Variants in ANKFY1 observed in about 807,000 individuals in gnomAD.
ANKFY1 encodes the protein ankyrin repeat and FYVE domain-containing protein 1.
Under a neutral mutation model 128.3 loss-of-function variants are expected in ANKFY1, and 47 were observed. The observed-to-expected ratio is 0.37, with a 90% CI of 0.29 to 0.47. ANKFY1 has a LOEUF of 0.47. ANKFY1 is among the 20% of genes least tolerant of loss of function. The pLI, the probability that ANKFY1 is intolerant of heterozygous loss-of-function variation, is 1.00. For missense variants in ANKFY1, 1,222 were observed against 1,510.6 expected (o/e 0.81, Z 3.17); for synonymous variants, 553 against 601.6 (o/e 0.92, Z 1.18).
chr17:4,189,352 C>T lies in ANKFY1; in HGVS notation c.1470+30G>A, dbSNP rs1249089699. On this transcript the variant is annotated intron_variant, in intron 11 of 24. Transcript: ENST00000341657. ...TGCCATTTCTTCCATAGATCAACAC[C>T]ATTTTCTCCGGCTGCCCTGTCACAC... 5.2e-6 allele frequency: 8 copies of T among 1,534,110 alleles called. No homozygotes were observed. The East Asian group carries it at 1.7e-4, about 33-fold the overall frequency.
intron 7 of ANKFY1, among the ~76,000 whole-genome samples, chr17:4,202,495 G>A (rs1410843926): frequency 2.0e-5 from 3 of 150,642 alleles, no homozygotes; most frequent in Non-Finnish European, 3.0e-5. Context: ...TCAGGAGATC[G>A]AGACCATCCT....
At chr17:4,201,035 G>A (rs925165018) in intron 7 of ANKFY1, among the ~76,000 whole-genome samples, 8 of 151,890 alleles carry the variant, frequency 5.3e-5, no homozygotes, top group Non-Finnish European at 1.2e-4. Flanking sequence ...CTTTTGTTTT[G>A]GTTTTTGGTT....
intron 2 of ANKFY1, among the ~76,000 whole-genome samples, chr17:4,237,370 TAATG>T (rs1379359935): frequency 6.6e-6 from 1 of 152,162 alleles, no homozygotes; most frequent in Non-Finnish European, 1.5e-5. Context: ...AGAACATTAT[TAATG>T]GTCAAAGAAG....
Position 4,169,358 on chromosome 17 carries a change from G to T in ANKFY1, c.3287-70C>A. 1 of 1,236,162 alleles carries T rather than the reference G, an allele frequency of 8.1e-7. No individual in the cohort carries two copies. The highest frequency in any genetic ancestry group is 1.2e-6 in the Non-Finnish European group (1 of 867,258). 76.6% of individuals were successfully genotyped at this position (1,236,162 alleles called of 1,614,324 possible). A position where few individuals can be genotyped will look rare whatever the true frequency, so the allele number is the denominator to read the frequency against. ...GCCACGCAAGCCCCAGGGCTTGGAG[G>T]CAGCAGGAACACAGACCCGTAAGTG... On this transcript the variant is annotated intron_variant, in intron 23 of 24. Coordinates refer to ENST00000341657, the MANE Select transcript of ANKFY1 (RefSeq NM_001330063.2). This position sits in a 1 kb window ranked among gnomAD's most constrained non-coding sequence, Gnocchi z 5.0.
chr17:4,228,820 T>C (rs1239865508), intron 3 of ANKFY1, among the ~76,000 whole-genome samples: 3 of 152,192 alleles, frequency 2.0e-5, no homozygotes, highest in Non-Finnish European at 2.9e-5. Flanking sequence ...TTTACTGTAC[T>C]TCCATTACAC....
intron 10 of ANKFY1, among the ~76,000 whole-genome samples, chr17:4,193,337 C>G (rs1415150600): frequency 1.3e-5 from 2 of 152,020 alleles, no homozygotes; most frequent in African/African-American, 2.4e-5. Flanking sequence ...CTCACTGCAG[C>G]CTCCAACTCC....
At position 4,255,261 on chromosome 17, in the gene ANKFY1, T is replaced by TG. The variant is rs1484016323; in HGVS notation, c.10+8670_10+8671insC. On this transcript the variant is annotated intron_variant, in intron 1 of 24. Coordinates refer to ENST00000341657, the MANE Select transcript of ANKFY1 (RefSeq NM_001330063.2). ...TGTAATTCTTTTTTTTTTTTTTTTT[T>TG]TTTGAGACAAGAGTTTCTCTTGTCG... Among the ~76,000 whole-genome samples the TG allele has an allele frequency of 4.8e-3, 728 of 150,528 alleles. 4 individuals carry two copies. The highest frequency in any genetic ancestry group is 0.017 in the African/African-American group (687 of 40,814).
In ANKFY1 at chr17:4,167,666, A is replaced by G. The variant is rs2059233540; in HGVS notation, c.*113T>C. 1 of 1,069,492 alleles carries G rather than the reference A, an allele frequency of 9.4e-7. No homozygotes were observed. The highest frequency in any genetic ancestry group is 2.6e-5 in the East Asian group (1 of 38,866). 66.3% of individuals were successfully genotyped at this position (1,069,492 alleles called of 1,614,324 possible). ...CCATGGTCCTTAATCGTTCCAGTCT[A>G]TTGCCGCAGGAAGACACCCGCCAGC... is the stretch of plus-strand genomic sequence containing the variant. On this transcript the variant is annotated 3_prime_UTR_variant, in exon 25 of 25. Coordinates refer to ENST00000341657, the MANE Select transcript of ANKFY1 (RefSeq NM_001330063.2). The surrounding 1 kb of genome is among the most constrained non-coding windows in gnomAD (Gnocchi z 4.1).
At chr17:4,223,838 T>C (rs1487399105) in intron 3 of ANKFY1, 4 of 1,206,322 alleles carry the variant, frequency 3.3e-6, no homozygotes, top group Non-Finnish European at 4.8e-6. Context: ...GACTCTTCTC[T>C]CGCAATCCCA....
chr17:4,228,797 T>C lies in ANKFY1; in HGVS notation c.322+6975A>G, dbSNP rs567810999. 6.6e-5 allele frequency among the ~76,000 whole-genome samples: 10 copies of C among 152,276 alleles called. No individual in the cohort carries two copies. In the East Asian group the frequency reaches 1.9e-3, roughly 29 times the overall value. ...TCAAAACTTATCCAATTGCACACTT[T>C]TAATGTGGGCAGTTTACTGTACTTC... On this transcript the variant is annotated intron_variant, in intron 3 of 24. Coordinates refer to ENST00000341657, the MANE Select transcript of ANKFY1 (RefSeq NM_001330063.2).
At chr17:4,205,741 C>CAA (rs11445216) in intron 7 of ANKFY1, among the ~76,000 whole-genome samples, 145 of 145,182 alleles carry the variant, frequency 1.0e-3, no homozygotes, top group Middle Eastern at 3.5e-3. Context: ...GACTCCGTCT[C>CAA]AAAAAAAAAA....
rs752435701 is a variant in ANKFY1 at position 4,167,063 on chromosome 17, AAG to A, written c.*714_*715del. On this transcript the variant is annotated 3_prime_UTR_variant, in exon 25 of 25. Coordinates refer to ENST00000341657, the MANE Select transcript of ANKFY1 (RefSeq NM_001330063.2). This position sits in a 1 kb window ranked among gnomAD's most constrained non-coding sequence, Gnocchi z 4.1. ...GAGGACTCCACAGACAGGACGCAGC[AAG>A]ACGAGAGAATGAGACGGCTGCTACG... 2.6e-5 allele frequency: 4 copies of A among 152,650 alleles called. No individual in the cohort carries two copies. Among genetic ancestry groups the A allele is most frequent in the Non-Finnish European group, 1.5e-5 (1 of 68,062 alleles). 9.5% of individuals were successfully genotyped at this position (152,650 alleles called of 1,614,324 possible).
chr17:4,170,528 C>T (rs933217016), intron 23 of ANKFY1, among the ~76,000 whole-genome samples, 187 bp downstream of exon 23: 2 of 152,208 alleles, frequency 1.3e-5, no homozygotes, highest in Admixed American at 1.3e-4. Context: ...AGAGACTGTT[C>T]ACAGTGACCT....
At chr17:4,171,282 G>A (rs558697393) in intron 22 of ANKFY1, among the ~76,000 whole-genome samples, 4 of 152,282 alleles carry the variant, frequency 2.6e-5, no homozygotes, top group South Asian at 4.1e-4. Context: ...CTAAACCTAC[G>A]AGTTGTGTAC....
intron 7 of ANKFY1, among the ~76,000 whole-genome samples, chr17:4,204,935 TC>T (rs1244835858): frequency 2.0e-5 from 3 of 152,192 alleles, no homozygotes; most frequent in African/African-American, 7.2e-5. Context: ...AATTTTCCTC[TC>T]TACCAGCCAG....
intron 23 of ANKFY1, among the ~76,000 whole-genome samples, chr17:4,170,267 G>A (rs1248954480): frequency 6.6e-6 from 1 of 152,194 alleles, no homozygotes; most frequent in African/African-American, 2.4e-5. Flanking sequence ...CAGCAGGGAA[G>A]AGTAAAGATT....
Position 4,242,351 on chromosome 17 carries a change from G to T in ANKFY1, c.108C>A (p.Leu36=), listed in dbSNP as rs1029585174. The change falls in exon 2 of 25, where the codon CTC becomes CTA. Residue 36 remains leucine, a synonymous_variant. Transcript: ENST00000341657. ...KLAETEKRCA[L]LAAQANKESS... is the part of the protein sequence containing the mutation. ...TCTCCTTGTTTGCCTGCGCAGCCAA[G>T]AGAGCGCAGCGCTTCTCTGTCTCCG... 2.5e-6 allele frequency: 4 copies of T among 1,603,336 alleles called. No individual in the cohort carries two copies. In the African/African-American group the frequency reaches 5.4e-5, roughly 22 times the overall value.
Position 4,181,166 on chromosome 17 carries a change from C to T in ANKFY1, c.2240+88G>A, listed in dbSNP as rs2059508198. 2 of 1,126,100 alleles carry T rather than the reference C, an allele frequency of 1.8e-6. No homozygotes were observed. The highest frequency in any genetic ancestry group is 2.7e-6 in the Non-Finnish European group (2 of 750,314). 69.8% of individuals were successfully genotyped at this position (1,126,100 alleles called of 1,614,324 possible). On this transcript the variant is annotated intron_variant, in intron 16 of 24. Coordinates refer to ENST00000341657, the MANE Select transcript of ANKFY1 (RefSeq NM_001330063.2). This position sits in a 1 kb window ranked among gnomAD's most constrained non-coding sequence, Gnocchi z 4.9. ...AAAGTCAAGCCGGCTACTGGCATGC[C>T]AAGACTATAGACGGATTTAAAAAGG...
intron 5 of ANKFY1, among the ~76,000 whole-genome samples, chr17:4,209,318 G>GGAGAC (rs1471810755): frequency 1.6e-4 from 24 of 152,178 alleles, no homozygotes; most frequent in African/African-American, 5.8e-4. Context: ...TGGGGGGGCG[G>GGAGAC]GAGACGGAGT....
Sources: allele counts gnomAD v4.1 joint callset (sites outside exome capture counted in the v4.1 genomes callset), GRCh38; gene constraint gnomAD v4.1.1; non-coding constraint Gnocchi (gnomAD v3.1); transcripts MANE v1.5; gene names NCBI Gene and HGNC (gene_info 2026-07-23, HGNC 2026-07-21).